PTPRD: variants seen among roughly 807,000 people sequenced by gnomAD.
PTPRD encodes the protein protein tyrosine phosphatase receptor type D.
A neutral mutation model predicts 214.5 loss-of-function variants in PTPRD; 34 were observed. The observed-to-expected ratio is 0.16, with a 90% confidence interval of 0.12 to 0.21. PTPRD has a LOEUF of 0.21. PTPRD is among the 10% of genes least tolerant of loss of function. PTPRD has a pLI of 1.00. For missense variants in PTPRD, 2,545 were observed against 2,398.7 expected (o/e 1.06, Z -1.27); for synonymous variants, 1,128 against 845.7 (o/e 1.33, Z -5.79).
chr9:10,525,704 G>A (rs1386051931), intron 2 of PTPRD, among the ~76,000 whole-genome samples: 3 of 145,330 alleles, frequency 2.1e-5, no homozygotes, highest in African/African-American at 7.8e-5. Context: ...ACAAGTCAGG[G>A]AAGGATCCAC....
At chr9:10,439,027 T>C (rs1480289030) in intron 2 of PTPRD, among the ~76,000 whole-genome samples, 1 of 151,692 alleles carries the variant, frequency 6.6e-6, no homozygotes, top group African/African-American at 2.4e-5. Flanking sequence ...AAATGGGATA[T>C]TAACAAACAT....
intron 5 of PTPRD, among the ~76,000 whole-genome samples, chr9:9,926,418 G>T (rs780812819): frequency 6.6e-5 from 10 of 151,724 alleles, no homozygotes; most frequent in Non-Finnish European, 1.3e-4. Flanking sequence ...AGGGAATATG[G>T]AAAGAAAAAA....
intron 5 of PTPRD, among the ~76,000 whole-genome samples, chr9:9,931,597 T>C (rs565602093): frequency 1.2e-4 from 19 of 152,024 alleles, no homozygotes; most frequent in African/African-American, 3.4e-4. Flanking sequence ...GTCTCGCTGA[T>C]TGCTAGCACA....
chr9:10,123,054 A>G (rs1395342448), intron 3 of PTPRD, among the ~76,000 whole-genome samples: 2 of 152,244 alleles, frequency 1.3e-5, no homozygotes, highest in Non-Finnish European at 2.9e-5. Context: ...GGAGAACTAA[A>G]GTCAAACACC....
intron 3 of PTPRD, among the ~76,000 whole-genome samples, chr9:10,061,370 G>C (rs2097775290): frequency 6.6e-6 from 1 of 152,052 alleles, no homozygotes; most frequent in African/African-American, 2.4e-5. Flanking sequence ...GGAAAACACA[G>C]TTCCACTTAT....
At chr9:9,714,612 C>G (rs1189509408) in intron 7 of PTPRD, among the ~76,000 whole-genome samples, 1 of 152,116 alleles carries the variant, frequency 6.6e-6, no homozygotes, top group Non-Finnish European at 1.5e-5. Context: ...GCAGAAAATT[C>G]AGATTCATCT....
intron 39 of PTPRD, among the ~76,000 whole-genome samples, chr9:8,369,264 C>G (rs1282215690): frequency 6.6e-6 from 1 of 152,050 alleles, no homozygotes; most frequent in Non-Finnish European, 1.5e-5. Context: ...TTTTTATGCT[C>G]TTATGCAATG....
At chr9:9,393,905 T>G (rs1231566130) in intron 9 of PTPRD, among the ~76,000 whole-genome samples, 1 of 152,132 alleles carries the variant, frequency 6.6e-6, no homozygotes, top group African/African-American at 2.4e-5. Context: ...ATATCATAAC[T>G]ATTAGCACCC....
chr9:8,330,083 G>C (rs540974461), intron 44 of PTPRD, among the ~76,000 whole-genome samples: 5 of 152,250 alleles, frequency 3.3e-5, no homozygotes, highest in East Asian at 1.9e-4. Context: ...AGAGTGTACT[G>C]TTCCTCGTGG....
intron 8 of PTPRD, among the ~76,000 whole-genome samples, chr9:9,545,541 G>C (rs2078590936): frequency 1.3e-5 from 2 of 151,826 alleles, no homozygotes; most frequent in African/African-American, 4.8e-5. Flanking sequence ...TTTCAAATGT[G>C]AACAATTATG....
intron 31 of PTPRD, among the ~76,000 whole-genome samples, chr9:8,466,386 T>C (rs2096544759): frequency 1.3e-5 from 2 of 151,912 alleles, no homozygotes; most frequent in South Asian, 2.1e-4. Flanking sequence ...TAGATGAAAA[T>C]TAATTTTAGT....
chr9:9,391,953 C>T (rs879461643), intron 9 of PTPRD, among the ~76,000 whole-genome samples: 2 of 152,062 alleles, frequency 1.3e-5, no homozygotes, highest in Non-Finnish European at 2.9e-5. Context: ...CTCAATTTTC[C>T]ACATTGTTAG....
At chr9:9,138,327 T>C (rs2099854242) in intron 10 of PTPRD, among the ~76,000 whole-genome samples, 2 of 152,108 alleles carry the variant, frequency 1.3e-5, no homozygotes, top group Non-Finnish European at 2.9e-5. Flanking sequence ...TTATATGACA[T>C]GAAATAGCTT....
chr9:9,757,013 T>G (rs2098593299), intron 6 of PTPRD, among the ~76,000 whole-genome samples: 1 of 152,204 alleles, frequency 6.6e-6, no homozygotes, highest in African/African-American at 2.4e-5. Flanking sequence ...AGAATCACTG[T>G]TTTCTTCAAA....
chr9:9,159,897 C>A (rs1072692), intron 10 of PTPRD, among the ~76,000 whole-genome samples: 42,854 of 152,100 alleles, frequency 0.28, 7,186 homozygotes, highest in Non-Finnish European at 0.38. Context: ...AGAAATAAAT[C>A]TAGTCATTTG....
intron 11 of PTPRD, among the ~76,000 whole-genome samples, chr9:8,972,941 A>C (rs1025673459): frequency 1.3e-5 from 2 of 151,850 alleles, no homozygotes; most frequent in Admixed American, 1.3e-4. Flanking sequence ...ATAGACTAGT[A>C]GATAAAATTT....
At chr9:8,820,430 A>G (rs1311981342) in intron 11 of PTPRD, among the ~76,000 whole-genome samples, 4 of 152,168 alleles carry the variant, frequency 2.6e-5, no homozygotes, top group African/African-American at 9.7e-5. Context: ...TATACAGAAT[A>G]TATTTATAAT....
chr9:8,848,360 G>GA (rs2097747470), intron 11 of PTPRD, among the ~76,000 whole-genome samples: 2 of 142,306 alleles, frequency 1.4e-5, no homozygotes, highest in Non-Finnish European at 3.0e-5. Flanking sequence ...TTTTGAGACA[G>GA]AGTCTTGCTC....
intron 31 of PTPRD, among the ~76,000 whole-genome samples, chr9:8,466,069 A>G (rs954845803): frequency 3.9e-5 from 6 of 151,970 alleles, no homozygotes; most frequent in Non-Finnish European, 8.8e-5. Flanking sequence ...CCTCAGACAA[A>G]GCCATCTAAA....
Sources: allele counts gnomAD v4.1 joint callset (sites outside exome capture counted in the v4.1 genomes callset), GRCh38; gene constraint gnomAD v4.1.1; transcripts MANE v1.5; gene names NCBI Gene and HGNC (gene_info 2026-07-23, HGNC 2026-07-21).